The following IL1RAPL1 variants were observed in gnomAD, a reference collection of about 807,000 sequenced individuals.
IL1RAPL1 encodes the protein interleukin-1 receptor accessory protein-like 1.
Under a neutral mutation model 48.4 loss-of-function variants are expected in IL1RAPL1, and 3 were observed. The observed-to-expected ratio is 0.06, with a 90% CI of 0.03 to 0.16. The LOEUF (loss-of-function observed/expected upper bound fraction) is 0.16, where lower values mean the gene tolerates loss of function less well. IL1RAPL1 is among the 10% of genes least tolerant of loss of function. The pLI, the probability that IL1RAPL1 is intolerant of heterozygous loss-of-function variation, is 1.00. For synonymous variants in IL1RAPL1, 185 were observed against 187.7 expected (o/e 0.99, Z 0.12); for missense variants, 349 against 530.6 (o/e 0.66, Z 3.36).
At chrX:29,828,780 G>T (rs767610103) in intron 6 of IL1RAPL1, among the ~76,000 whole-genome samples, 32 of 111,217 alleles carry the variant, frequency 2.9e-4, no homozygotes, top group Non-Finnish European at 5.7e-4. Flanking sequence ...GTACCATATG[G>T]ACTTTTGGTG....
intron 6 of IL1RAPL1, among the ~76,000 whole-genome samples, chrX:29,818,886 T>A: frequency 8.9e-6 from 1 of 112,313 alleles, no homozygotes; most frequent in Non-Finnish European, 1.9e-5. Context: ...ATATCTTAAC[T>A]AGTGCGAACC....
At chrX:29,000,715 T>C (rs1250220552) in intron 2 of IL1RAPL1, among the ~76,000 whole-genome samples, 1 of 112,189 alleles carries the variant, frequency 8.9e-6, no homozygotes, top group Non-Finnish European at 1.9e-5. Flanking sequence ...TATTCCTTAT[T>C]TTTTTCTTTT....
Position 29,313,293 on chromosome X carries a change from G to A in IL1RAPL1, c.362+30076G>A, listed in dbSNP as rs749321497. On this transcript the variant is annotated intron_variant, in intron 3 of 10. Coordinates refer to ENST00000378993, the MANE Select transcript of IL1RAPL1 (RefSeq NM_014271.4). Reference sequence around the variant, plus strand: ...TGTGTGTGTGTGTGTGTGTGCGCGCGCACATGCATTCTCACGCTCATAGTC... The same window carrying A: ...TGTGTGTGTGTGTGTGTGTGCGCGCACACATGCATTCTCACGCTCATAGTC... 2.0e-3 allele frequency among the ~76,000 whole-genome samples: 202 copies of A among 102,440 alleles called. 1 individual carries two copies. Among genetic ancestry groups the A allele is most frequent in the African/African-American group, 6.0e-3 (177 of 29,284 alleles). 89.0% of individuals were successfully genotyped at this position (102,440 alleles called of 115,157 possible).
At chrX:29,717,004 A>G (rs182186589) in intron 6 of IL1RAPL1, among the ~76,000 whole-genome samples, 25 of 111,151 alleles carry the variant, frequency 2.2e-4, no homozygotes, top group African/African-American at 8.2e-4. Context: ...TTTGCTATTG[A>G]ATATTGATAT....
At chrX:28,802,399 A>G (rs961903523) in intron 2 of IL1RAPL1, among the ~76,000 whole-genome samples, 2 of 112,501 alleles carry the variant, frequency 1.8e-5, no homozygotes, top group African/African-American at 3.2e-5. Flanking sequence ...ATGACAGTGA[A>G]TAACTTTGCC....
At chrX:29,218,563 C>A (rs1485728474) in intron 2 of IL1RAPL1, among the ~76,000 whole-genome samples, 1 of 111,391 alleles carries the variant, frequency 9.0e-6, no homozygotes, top group Non-Finnish European at 1.9e-5. Context: ...TATTAAAAAC[C>A]AAGAAATATA....
chrX:29,627,368 A>T, intron 5 of IL1RAPL1, among the ~76,000 whole-genome samples: 1 of 112,301 alleles, frequency 8.9e-6, no homozygotes, highest in East Asian at 2.8e-4. Flanking sequence ...ATTAGGTTGG[A>T]AAAGCATTGT....
chrX:29,629,856 T>C (rs1390292699), intron 5 of IL1RAPL1, among the ~76,000 whole-genome samples: 3 of 112,004 alleles, frequency 2.7e-5, no homozygotes, highest in African/African-American at 9.7e-5. Flanking sequence ...CCCAAAGTCA[T>C]TTTTGCATCT....
chrX:28,875,308 A>G (rs935183234), intron 2 of IL1RAPL1, among the ~76,000 whole-genome samples: 1 of 111,951 alleles, frequency 8.9e-6, no homozygotes, highest in Non-Finnish European at 1.9e-5. Flanking sequence ...ACAAAAGTAA[A>G]AATGAATGCT....
chrX:29,223,013 C>T (rs1199105168), intron 2 of IL1RAPL1, among the ~76,000 whole-genome samples: 1 of 111,157 alleles, frequency 9.0e-6, no homozygotes, highest in African/African-American at 3.3e-5. Context: ...ATATAAATCA[C>T]TCTCCACCAA....
intron 1 of IL1RAPL1, among the ~76,000 whole-genome samples, chrX:28,778,208 A>T (rs1164875420): frequency 8.9e-6 from 1 of 112,444 alleles, no homozygotes; most frequent in East Asian, 2.8e-4. Context: ...TGTAACAAAC[A>T]TCATATATTA....
Position 29,389,801 on chromosome X carries a change from G to C in IL1RAPL1, c.363-6457G>C, listed in dbSNP as rs7053536. Among the ~76,000 whole-genome samples the C allele has an allele frequency of 7.4e-3, 834 of 112,319 alleles. 8 individuals carry two copies. The highest frequency in any genetic ancestry group is 0.025 in the African/African-American group (782 of 30,948). The stretch of plus-strand genomic sequence containing the variant: ...AAAAAGAATTTCAAATGAGAAGGCA[G>C]TAAACTGGCATTTTTAGGTTTTAAG... On this transcript the variant is annotated intron_variant, in intron 3 of 10. Coordinates refer to ENST00000378993, the MANE Select transcript of IL1RAPL1 (RefSeq NM_014271.4).
intron 2 of IL1RAPL1, among the ~76,000 whole-genome samples, chrX:28,996,522 G>T (rs1236888712): frequency 9.0e-6 from 1 of 111,127 alleles, no homozygotes; most frequent in Non-Finnish European, 1.9e-5. Context: ...TTGAGGTACT[G>T]CCAGAATGTT....
At chrX:28,962,610 A>T (rs186526668) in intron 2 of IL1RAPL1, among the ~76,000 whole-genome samples, 2 of 111,450 alleles carry the variant, frequency 1.8e-5, no homozygotes, top group African/African-American at 6.5e-5. Context: ...TATTCAGAAA[A>T]AAATAATAAG....
At chrX:28,708,726 GT>G (rs1029183009) in intron 1 of IL1RAPL1, among the ~76,000 whole-genome samples, 20 of 111,472 alleles carry the variant, frequency 1.8e-4, no homozygotes, top group African/African-American at 6.5e-4. Flanking sequence ...ATATCTCATG[GT>G]TTCACTTACA....
intron 2 of IL1RAPL1, among the ~76,000 whole-genome samples, chrX:29,080,988 CTTTCTT>C (rs765267675): frequency 0.017 from 641 of 38,775 alleles, 3 homozygotes; most frequent in South Asian, 0.019. Flanking sequence ...TTCTTTCTTT[CTTTCTT>C]TCTCTCTCTC....
In IL1RAPL1 at chrX:29,886,307, T is replaced by A. The variant is rs138338833; in HGVS notation, c.779-31157T>A. ...TAAATTTTTAGCTATGCATGCTTAC[T>A]AGAAGTAAGCAATAAGCAATAACTT... On this transcript the variant is annotated intron_variant, in intron 6 of 10. Transcript: ENST00000378993. Among the ~76,000 whole-genome samples the A allele has an allele frequency of 7.8e-3, 876 of 112,626 alleles. 12 individuals are homozygous for A. The highest frequency in any genetic ancestry group is 0.027 in the African/African-American group (834 of 31,081).
chrX:29,855,981 T>C (rs1054747655), intron 6 of IL1RAPL1, among the ~76,000 whole-genome samples: 2 of 111,225 alleles, frequency 1.8e-5, no homozygotes, highest in Non-Finnish European at 3.8e-5. Flanking sequence ...CTTTTCTACA[T>C]CAAAAACCCC....
At chrX:29,302,001 T>C (rs1363086941) in intron 3 of IL1RAPL1, among the ~76,000 whole-genome samples, 1 of 111,595 alleles carries the variant, frequency 9.0e-6, no homozygotes, top group Admixed American at 9.6e-5. Context: ...GAGTGAAAAG[T>C]GCAAAGTGGT....
Sources: allele counts gnomAD v4.1 joint callset (sites outside exome capture counted in the v4.1 genomes callset), GRCh38; gene constraint gnomAD v4.1.1; transcripts MANE v1.5; gene names NCBI Gene and HGNC (gene_info 2026-07-23, HGNC 2026-07-21).